RAB18: variants seen among roughly 807,000 people sequenced by gnomAD.
RAB18 encodes the protein RAB18, member RAS oncogene family.
A neutral mutation model predicts 28.5 loss-of-function variants in RAB18; 10 were observed. That is an observed-to-expected ratio of 0.35 (90% CI 0.22 to 0.60). The LOEUF is 0.60. RAB18 is among the 20% of genes least tolerant of loss of function. The pLI is 0.78. For missense variants in RAB18, 188 were observed against 244.2 expected, an observed-to-expected ratio of 0.77 and a Z score of 1.53; for synonymous variants, 93 against 86.9, an observed-to-expected ratio of 1.07 and a Z score of -0.39.
chr10:27,531,459 T>C, intron 3 of RAB18: 1 of 1,499,018 alleles, frequency 6.7e-7, no homozygotes, highest in Admixed American at 2.2e-5. Flanking sequence ...TAACAAACCC[T>C]CATTTACAGC....
At chr10:27,534,882 T>C (rs1834861411) in intron 6 of RAB18, among the ~76,000 whole-genome samples, 1 of 152,214 alleles carries the variant, frequency 6.6e-6, no homozygotes, top group Non-Finnish European at 1.5e-5. Context: ...CAGAAAGGAA[T>C]CGAGTACTTT....
intron 2 of RAB18, among the ~76,000 whole-genome samples, chr10:27,518,069 T>C (rs1197355683): frequency 6.6e-6 from 1 of 152,234 alleles, no homozygotes; most frequent in Non-Finnish European, 1.5e-5. Context: ...TGTTTGTTCC[T>C]TTTTATTGCT....
At chr10:27,537,677 G>GT (rs1312281117) in intron 6 of RAB18, among the ~76,000 whole-genome samples, 199 bp from the exon 7 acceptor site, 3 of 152,078 alleles carry the variant, frequency 2.0e-5, no homozygotes, top group African/African-American at 7.2e-5. Context: ...TTATATACTA[G>GT]TATTCTTATG....
chr10:27,538,153 A>C lies in RAB18; in HGVS notation c.*102A>C, dbSNP rs778296076. On this transcript the variant is annotated 3_prime_UTR_variant, in exon 7 of 7. Transcript: ENST00000356940. ...TTTAGGGACCTTGCAGTTTGCACAT[A>C]ATTGTTTTATATCATAGCAGTAAAT... The C allele has an allele frequency of 4.1e-6, 6 of 1,459,852 alleles. No homozygotes were observed. The highest frequency in any genetic ancestry group is 5.7e-6 in the Non-Finnish European group (6 of 1,046,198). The allele number at this position is 1,459,852 out of a possible 1,614,324, so 90.4% of individuals were successfully genotyped here. A position where few individuals can be genotyped will look rare whatever the true frequency, so the allele number is the denominator to read the frequency against.
chr10:27,532,330 AATTTT>A lies in RAB18; in HGVS notation c.187-171_187-167del, dbSNP rs4018736. Among the ~76,000 whole-genome samples the A allele has an allele frequency of 0.29, 43,964 of 151,592 alleles. 6,631 individuals carry two copies. Among genetic ancestry groups the A allele is most frequent in the Admixed American group, 0.35 (5,300 of 15,236 alleles). ...TTTCTAGAGATCAGTATTTATAAATAATTTTATTTTGTGACACTTGTCAGTAAGCG... is the reference window on the plus strand; with the variant it reads ...TTTCTAGAGATCAGTATTTATAAATAATTTTGTGACACTTGTCAGTAAGCG... On this transcript the variant is annotated intron_variant, in intron 3 of 6. Transcript: ENST00000356940.
chr10:27,528,884 T>C (rs1437434927), intron 3 of RAB18, among the ~76,000 whole-genome samples: 1 of 152,112 alleles, frequency 6.6e-6, no homozygotes, highest in Non-Finnish European at 1.5e-5. Flanking sequence ...TATCATTCTT[T>C]CTGTTTTTGC....
At chr10:27,536,583 G>C (rs774014082) in intron 6 of RAB18, among the ~76,000 whole-genome samples, 3 of 152,088 alleles carry the variant, frequency 2.0e-5, no homozygotes, top group Non-Finnish European at 2.9e-5. Context: ...TGAACCCTGG[G>C]GGATTCCAGC....
At chr10:27,520,299 C>CT (rs893163763) in intron 2 of RAB18, among the ~76,000 whole-genome samples, 18 of 151,274 alleles carry the variant, frequency 1.2e-4, no homozygotes, top group South Asian at 8.4e-4. Flanking sequence ...TCTTATGATC[C>CT]TTTTTTTTCT....
chr10:27,521,660 G>T (rs1834555765), intron 2 of RAB18, among the ~76,000 whole-genome samples: 1 of 152,110 alleles, frequency 6.6e-6, no homozygotes, highest in South Asian at 2.1e-4. Flanking sequence ...AGACACAAAG[G>T]CATAAGAATG....
chr10:27,541,168 A>C lies in RAB18; in HGVS notation c.*3117A>C. The stretch of plus-strand genomic sequence containing the variant: ...TATTTCCCTAGTTAAGTATAGGGGT[A>C]AAAACGTTATTCAGCTTTCAGAAGA... On this transcript the variant is annotated 3_prime_UTR_variant, in exon 7 of 7. Coordinates refer to ENST00000356940, the MANE Select transcript of RAB18 (RefSeq NM_021252.5). The C allele has an allele frequency of 2.2e-6, 1 of 454,016 alleles. No individual in the cohort carries two copies. The highest frequency in any genetic ancestry group is 1.6e-5 in the South Asian group (1 of 64,468). 28.1% of individuals were successfully genotyped at this position (454,016 alleles called of 1,614,324 possible).
At chr10:27,525,759 G>A (rs1407244712) in intron 2 of RAB18, among the ~76,000 whole-genome samples, 3 of 152,174 alleles carry the variant, frequency 2.0e-5, no homozygotes, top group Non-Finnish European at 4.4e-5. Context: ...CATTTTGAAT[G>A]TGCATTTTTA....
intron 6 of RAB18, among the ~76,000 whole-genome samples, chr10:27,536,278 T>C (rs1258969899): frequency 6.6e-6 from 1 of 152,158 alleles, no homozygotes; most frequent in African/African-American, 2.4e-5. Context: ...TGGTGGTCAT[T>C]GGCATTTAGG....
chr10:27,532,046 T>A (rs1005895057), intron 3 of RAB18, among the ~76,000 whole-genome samples: 14 of 151,942 alleles, frequency 9.2e-5, no homozygotes, highest in African/African-American at 2.9e-4. Context: ...ATCTGTTACC[T>A]AAAGTAAGAC....
In RAB18 at chr10:27,533,769, A is replaced by G; in HGVS notation, c.294A>G (p.Lys98=). 1 of 1,613,714 alleles carries G rather than the reference A, an allele frequency of 6.2e-7. No individual in the cohort carries two copies. The highest frequency in any genetic ancestry group is 8.5e-7 in the Non-Finnish European group (1 of 1,179,766). Residue 98 remains lysine (K), a synonymous_variant, in exon 5 of 7, where the codon AAA becomes AAG. Coordinates refer to ENST00000356940, the MANE Select transcript of RAB18 (RefSeq NM_021252.5). ...TCACAAGAAGAGATACATTTGTTAA[A>G]CTGGATAATTGGTTAAATGAATTGG... ...YDVTRRDTFV[K]LDNWLNELET...
At position 27,531,813 on chromosome 10, in the gene RAB18, C is replaced by G. The variant is rs2763308; in HGVS notation, c.187-694C>G. ...TCTTTTTTTTTTTTCTCAACAAATT[C>G]TGAGCAACTGCCTTTTTTCAAGAAT... On this transcript the variant is annotated intron_variant, in intron 3 of 6. Coordinates refer to ENST00000356940, the MANE Select transcript of RAB18 (RefSeq NM_021252.5). Among the ~76,000 whole-genome samples, 42,720 of 150,570 alleles carry G rather than the reference C, an allele frequency of 0.28. 6,488 individuals are homozygous for G. Among genetic ancestry groups the G allele is most frequent in the Admixed American group, 0.35 (5,257 of 15,154 alleles).
In RAB18 at chr10:27,540,260, T is replaced by C. The variant is rs1294820041; in HGVS notation, c.*2209T>C. On this transcript the variant is annotated 3_prime_UTR_variant, in exon 7 of 7. Transcript: ENST00000356940. ...CACAGCAACCTTAAGAGATTAGTAC[T>C]CCTATTATGCCCATTTTAAAGGTGA... The C allele has an allele frequency of 2.2e-6, 1 of 453,936 alleles. No individual in the cohort carries two copies. The highest frequency in any genetic ancestry group is 4.4e-6 in the Non-Finnish European group (1 of 226,768). The allele number at this position is 453,936 out of a possible 1,614,324, so 28.1% of individuals were successfully genotyped here.
intron 6 of RAB18, among the ~76,000 whole-genome samples, chr10:27,534,228 A>T (rs1435965310): frequency 6.6e-6 from 1 of 152,158 alleles, no homozygotes; most frequent in Non-Finnish European, 1.5e-5. Context: ...TCCTCACAGG[A>T]TATAGTGGCA....
At chr10:27,519,150 A>C (rs929080464) in intron 2 of RAB18, among the ~76,000 whole-genome samples, 4 of 151,026 alleles carry the variant, frequency 2.6e-5, no homozygotes, top group African/African-American at 9.7e-5. Context: ...TTTAACATTA[A>C]AAAAAAAATC....
intron 3 of RAB18, among the ~76,000 whole-genome samples, chr10:27,529,088 T>A (rs1439153988): frequency 1.3e-5 from 2 of 152,078 alleles, no homozygotes; most frequent in Non-Finnish European, 2.9e-5. Flanking sequence ...TACAATTTTC[T>A]AAGCTATCAT....
Sources: allele counts gnomAD v4.1 joint callset (sites outside exome capture counted in the v4.1 genomes callset), GRCh38; gene constraint gnomAD v4.1.1; transcripts MANE v1.5; gene names NCBI Gene and HGNC (gene_info 2026-07-23, HGNC 2026-07-21).